The following NKAIN2 variants were observed in gnomAD, a reference collection of about 807,000 sequenced individuals.
NKAIN2 encodes sodium/potassium transporting ATPase interacting 2.
Under a neutral mutation model 32.6 loss-of-function variants are expected in NKAIN2, and 14 were observed. The ratio of observed to expected loss-of-function variants is 0.43; its 90% CI spans 0.28 to 0.67. The LOEUF is 0.67. Ranked by LOEUF, NKAIN2 falls within the 30% of genes least tolerant of loss-of-function variation. The pLI, the probability that NKAIN2 is intolerant of heterozygous loss-of-function variation, is 0.17. For synonymous variants in NKAIN2, 80 were observed against 87.2 expected (o/e 0.92, Z 0.46); for missense variants, 198 against 258.3 (o/e 0.77, Z 1.60).
chr6:123,956,782 C>CTACA (rs1777613521), intron 1 of NKAIN2, among the ~76,000 whole-genome samples: 1 of 152,164 alleles, frequency 6.6e-6, no homozygotes, highest in Non-Finnish European at 1.5e-5. Context: ...AAAGAAAAGG[C>CTACA]TACACCTCAG....
chr6:124,026,266 A>G (rs1009896434), intron 1 of NKAIN2, among the ~76,000 whole-genome samples: 1 of 152,322 alleles, frequency 6.6e-6, no homozygotes, highest in Middle Eastern at 3.4e-3. Context: ...CAGGACTTTC[A>G]GCCAGGACCC....
chr6:124,717,922 G>A (rs1268914879), intron 4 of NKAIN2, among the ~76,000 whole-genome samples: 1 of 152,100 alleles, frequency 6.6e-6, no homozygotes, highest in Non-Finnish European at 1.5e-5. Context: ...TGGAGGAGGT[G>A]TTATCCCCAG....
intron 1 of NKAIN2, among the ~76,000 whole-genome samples, chr6:124,245,148 C>T (rs1305863571): frequency 6.6e-6 from 1 of 152,022 alleles, no homozygotes; most frequent in Middle Eastern, 3.2e-3. Flanking sequence ...GTGACATTTT[C>T]CTATGTTCTT....
At chr6:123,992,839 G>C (rs576884057) in intron 1 of NKAIN2, among the ~76,000 whole-genome samples, 76 of 152,258 alleles carry the variant, frequency 5.0e-4, no homozygotes, top group African/African-American at 1.7e-3. Flanking sequence ...TTTCTGCGTT[G>C]TTCCCTTGTG....
chr6:124,066,384 G>GCTTTCTCCTT (rs1382585286), intron 1 of NKAIN2, among the ~76,000 whole-genome samples: 1 of 151,930 alleles, frequency 6.6e-6, no homozygotes, highest in African/African-American at 2.4e-5. Flanking sequence ...TCCTTTTCTG[G>GCTTTCTCCTT]TTGTGGCTCC....
At chr6:124,153,537 C>T (rs1027824962) in intron 1 of NKAIN2, among the ~76,000 whole-genome samples, 1 of 151,546 alleles carries the variant, frequency 6.6e-6, no homozygotes, top group Non-Finnish European at 1.5e-5. Flanking sequence ...TCTTTCAGTC[C>T]TTCCAGGAAG....
chr6:124,632,550 T>TA (rs1241625178), intron 3 of NKAIN2, among the ~76,000 whole-genome samples: 9 of 152,204 alleles, frequency 5.9e-5, no homozygotes, highest in African/African-American at 2.2e-4. Context: ...CCCCTCCTCT[T>TA]AAAAGTGTTC....
At chr6:124,505,939 C>T (rs963434528) in intron 3 of NKAIN2, among the ~76,000 whole-genome samples, 3 of 151,884 alleles carry the variant, frequency 2.0e-5, no homozygotes, top group Non-Finnish European at 4.4e-5. Context: ...TTTGGGAGGC[C>T]GAGGCAGGCA....
chr6:124,583,294 A>G (rs1328426588), intron 3 of NKAIN2, among the ~76,000 whole-genome samples: 3 of 152,014 alleles, frequency 2.0e-5, no homozygotes, highest in Non-Finnish European at 2.9e-5. Context: ...CAAAATCAAC[A>G]TATAAAAATC....
At chr6:124,208,180 C>T (rs753049682) in intron 1 of NKAIN2, among the ~76,000 whole-genome samples, 1 of 151,454 alleles carries the variant, frequency 6.6e-6, no homozygotes. Context: ...GTGATCTTGG[C>T]TAATTTATTT....
chr6:124,040,827 ATT>A (rs1781837339), intron 1 of NKAIN2, among the ~76,000 whole-genome samples: 1 of 152,112 alleles, frequency 6.6e-6, no homozygotes, highest in African/African-American at 2.4e-5. Context: ...AGTGGTACTT[ATT>A]TCAGTGACAT....
chr6:124,084,868 T>A (rs1408578891), intron 1 of NKAIN2, among the ~76,000 whole-genome samples: 1 of 151,978 alleles, frequency 6.6e-6, no homozygotes, highest in Non-Finnish European at 1.5e-5. Context: ...AAAAAATCTC[T>A]ATGCTTAAAA....
intron 3 of NKAIN2, among the ~76,000 whole-genome samples, chr6:124,637,187 A>G (rs906868301): frequency 6.6e-6 from 1 of 152,102 alleles, no homozygotes; most frequent in Non-Finnish European, 1.5e-5. Flanking sequence ...CATATTCAGC[A>G]TAGCTTAATG....
intron 3 of NKAIN2, among the ~76,000 whole-genome samples, chr6:124,474,032 A>G (rs139329789): frequency 9.2e-5 from 14 of 152,284 alleles, no homozygotes; most frequent in African/African-American, 3.4e-4. Context: ...TTCTATACAA[A>G]ATACAGTTGC....
At chr6:124,037,243 A>G (rs958471278) in intron 1 of NKAIN2, among the ~76,000 whole-genome samples, 1 of 152,152 alleles carries the variant, frequency 6.6e-6, no homozygotes, top group Non-Finnish European at 1.5e-5. Flanking sequence ...TAGATTCATA[A>G]AATTTAGAAG....
intron 2 of NKAIN2, among the ~76,000 whole-genome samples, chr6:124,299,093 A>G (rs1796187519): frequency 1.3e-5 from 2 of 152,214 alleles, no homozygotes; most frequent in South Asian, 4.1e-4. Flanking sequence ...GCTCTGTTAC[A>G]TCTGGAAAAT....
intron 4 of NKAIN2, among the ~76,000 whole-genome samples, chr6:124,769,500 G>T (rs1017645838): frequency 3.3e-5 from 5 of 151,794 alleles, no homozygotes; most frequent in African/African-American, 1.2e-4. Context: ...CTATTTACTG[G>T]GATTTCTTTT....
intron 4 of NKAIN2, among the ~76,000 whole-genome samples, chr6:124,673,055 C>T (rs1419503030): frequency 6.6e-6 from 1 of 151,994 alleles, no homozygotes; most frequent in Non-Finnish European, 1.5e-5. Flanking sequence ...TCTCCCTTCC[C>T]CAAGCTTCTG....
chr6:124,686,518 C>T (rs1773886911), intron 4 of NKAIN2, among the ~76,000 whole-genome samples: 1 of 152,038 alleles, frequency 6.6e-6, no homozygotes, highest in Non-Finnish European at 1.5e-5. Flanking sequence ...ATAACAAGAA[C>T]AGCACTAGGG....
Sources: allele counts gnomAD v4.1 joint callset (sites outside exome capture counted in the v4.1 genomes callset), GRCh38; gene constraint gnomAD v4.1.1; transcripts MANE v1.5; gene names NCBI Gene and HGNC (gene_info 2026-07-23, HGNC 2026-07-21).